The following HSP90AB1 variants were observed in gnomAD, a reference collection of about 807,000 sequenced individuals.
HSP90AB1 encodes heat shock protein HSP 90-beta.
In HSP90AB1, 17 loss-of-function variants were observed where a neutral mutation model predicts 67.8. That is an observed-to-expected ratio of 0.25 (90% confidence interval 0.17 to 0.38). The LOEUF is 0.38. Among genes scored for constraint, HSP90AB1 ranks in the 10% least tolerant of loss-of-function variants. The pLI is 1.00. For synonymous variants in HSP90AB1, 390 were observed against 312.9 expected, an observed-to-expected ratio of 1.25 and a Z score of -2.60; for missense variants, 690 against 899.9, an observed-to-expected ratio of 0.77 and a Z score of 2.98.
Position 44,253,545 on chromosome 6 carries a change from A to AT in HSP90AB1, c.2123dup (p.Leu711SerfsTer5). 2 of 1,614,124 alleles carry AT rather than the reference A, an allele frequency of 1.2e-6. No homozygotes were observed. The highest frequency in any genetic ancestry group is 1.7e-6 in the Non-Finnish European group (2 of 1,179,994). On this transcript the variant is annotated frameshift_variant, in exon 12 of 12. Coordinates refer to ENST00000371646, the MANE Select transcript of HSP90AB1 (RefSeq NM_007355.4). LOFTEE classifies it high-confidence loss of function. ...ACCCAATGCTGCAGTTCCTGATGAG[A>AT]TCCCCCCTCTCGAGGGCGATGAGGA...
chr6:44,248,381 TG>T (rs781306577), intron 1 of HSP90AB1, among the ~76,000 whole-genome samples: 46 of 152,344 alleles, frequency 3.0e-4, no homozygotes, highest in Non-Finnish European at 1.0e-4. Context: ...TTTAAGTAGG[TG>T]GGTTCTGTGA....
intron 7 of HSP90AB1, 62 bp downstream of exon 7, chr6:44,251,275 T>C: frequency 6.3e-7 from 1 of 1,581,618 alleles, no homozygotes; most frequent in South Asian, 1.1e-5. Flanking sequence ...GGCATTCTGC[T>C]AGGATATTCT....
At chr6:44,253,399 G>T in intron 11 of HSP90AB1, 21 bp downstream of exon 11, 2 of 1,604,384 alleles carry the variant, frequency 1.2e-6, no homozygotes, top group Non-Finnish European at 1.7e-6. Context: ...TTGGTACTTG[G>T]TGTGGCAAGG....
At chr6:44,246,746 C>G (rs1779945154), upstream of HSP90AB1, among the ~76,000 whole-genome samples, 2 of 152,198 alleles carry the variant, frequency 1.3e-5, no homozygotes, top group African/African-American at 4.8e-5. Context: ...GGTGTCCCCC[C>G]CAGTCCCGCC....
intron 6 of HSP90AB1, 144 bp downstream of exon 6, chr6:44,250,743 C>T (rs565165478): frequency 1.2e-4 from 75 of 640,704 alleles, no homozygotes; most frequent in African/African-American, 1.2e-3. Context: ...TTACTGATTA[C>T]CCTGTCATAG....
intron 1 of HSP90AB1, 88 bp downstream of exon 1, chr6:44,247,283 G>A (rs1780014969): frequency 6.6e-6 from 1 of 152,316 alleles, no homozygotes; most frequent in African/African-American, 2.4e-5. Context: ...GGGAGCCTTA[G>A]TCTAGATGTC....
At chr6:44,248,503 A>G (rs1780245117) in intron 1 of HSP90AB1, 127 bp from the exon 2 acceptor site, 1 of 719,060 alleles carries the variant, frequency 1.4e-6, no homozygotes, top group East Asian at 2.7e-5. Context: ...AGTCTTGGGA[A>G]GGGATAGTAC....
intron 2 of HSP90AB1, 147 bp downstream of exon 2, chr6:44,248,923 C>T (rs1274769404): frequency 6.6e-6 from 5 of 755,536 alleles, no homozygotes; most frequent in Admixed American, 4.7e-5. Context: ...TTACTCTGGC[C>T]ATCTTGAACT....
chr6:44,252,395 T>G lies in HSP90AB1; in HGVS notation c.1731+128T>G, dbSNP rs1378251661. ...TGTTTCATGCCTTCTTGCCTCTTGT[T>G]CTCTTCTCTAGTCAGGTTTAAGGCT... On this transcript the variant is annotated intron_variant, in intron 10 of 11. Coordinates refer to ENST00000371646, the MANE Select transcript of HSP90AB1 (RefSeq NM_007355.4). 1.2e-5 allele frequency: 10 copies of G among 820,816 alleles called. No individual in the cohort carries two copies. The East Asian group carries it at 2.6e-4, about 21-fold the overall frequency. 50.8% of individuals were successfully genotyped at this position (820,816 alleles called of 1,614,324 possible). A position where few individuals can be genotyped will look rare whatever the true frequency, so the allele number is the denominator to read the frequency against.
chr6:44,248,936 G>GA (rs1780309809), intron 2 of HSP90AB1, among the ~76,000 whole-genome samples, 160 bp downstream of exon 2: 1 of 152,158 alleles, frequency 6.6e-6, no homozygotes, highest in Non-Finnish European at 1.5e-5. Flanking sequence ...CTTGAACTTG[G>GA]AAGGGACTAT....
intron 7 of HSP90AB1, 62 bp from the exon 8 acceptor site, chr6:44,251,356 T>C: frequency 6.4e-7 from 1 of 1,552,080 alleles, no homozygotes; most frequent in Non-Finnish European, 8.8e-7. Flanking sequence ...TCTGTTTGAA[T>C]CTGGGGACCA....
intron 1 of HSP90AB1, among the ~76,000 whole-genome samples, chr6:44,247,414 C>T (rs1389520980): frequency 2.0e-5 from 3 of 152,046 alleles, no homozygotes; most frequent in Non-Finnish European, 4.4e-5. Flanking sequence ...CTCTCGGCGC[C>T]TGCTGGCCGT....
intron 9 of HSP90AB1, 25 bp from the exon 10 acceptor site, chr6:44,251,974 C>T: frequency 1.2e-6 from 2 of 1,613,908 alleles, no homozygotes; most frequent in African/African-American, 2.7e-5. Flanking sequence ...ATTTTAGTCA[C>T]TGAGTTCATT....
chr6:44,252,557 A>C (rs953216599), intron 10 of HSP90AB1, among the ~76,000 whole-genome samples: 4 of 151,770 alleles, frequency 2.6e-5, no homozygotes, highest in African/African-American at 9.7e-5. Flanking sequence ...GTGCAGTGGC[A>C]CGATCTCTGC....
At position 44,248,761 on chromosome 6, in the gene HSP90AB1, C is replaced by T; in HGVS notation, c.132C>T (p.Ile44=). 3.1e-6 allele frequency: 5 copies of T among 1,613,536 alleles called. No homozygotes were observed. The highest frequency in any genetic ancestry group is 4.2e-6 in the Non-Finnish European group (5 of 1,179,738). The stretch of plus-strand genomic sequence containing the variant: ...AGGAGATTTTCCTTCGGGAGTTGAT[C>T]TCTAATGCTTCTGATGTAGGTGCTC... ...SNKEIFLREL[I]SNASDALDKI... Residue 44 remains isoleucine, a synonymous_variant, in exon 2 of 12, where the codon ATC becomes ATT. Transcript: ENST00000371646.
Position 44,253,421 on chromosome 6 carries a change from C to T in HSP90AB1, c.2065+43C>T, listed in dbSNP as rs200620169. 41 of 1,601,470 alleles carry T rather than the reference C, an allele frequency of 2.6e-5. No homozygotes were observed. In the East Asian group the frequency reaches 7.2e-4, roughly 28 times the overall value. On this transcript the variant is annotated intron_variant, in intron 11 of 11. Transcript: ENST00000371646. The stretch of plus-strand genomic sequence containing the variant: ...TTGGTGTGGCAAGGAGTTTGTGCAA[C>T]TCGTCTCCTCTATGGATTTGACTTA...
At position 44,253,284 on chromosome 6, in the gene HSP90AB1, G is replaced by A. The variant is rs569826027; in HGVS notation, c.1971G>A (p.Leu657=). The A allele has an allele frequency of 1.9e-6, 3 of 1,614,214 alleles. No individual in the cohort carries two copies. In the South Asian group the frequency reaches 3.3e-5, roughly 18 times the overall value. ...AGGCAGTTAAGGACCTGGTGGTGCTGCTGTTTGAAACCGCCCTGCTATCTT... is the reference window on the plus strand; with the variant it reads ...AGGCAGTTAAGGACCTGGTGGTGCTACTGTTTGAAACCGCCCTGCTATCTT... ...NDKAVKDLVV[L]LFETALLSSG... is the part of the protein sequence containing the mutation. The change falls in exon 11 of 12, where the codon CTG becomes CTA. Residue 657 remains leucine, a synonymous_variant. Transcript: ENST00000371646.
intron 10 of HSP90AB1, 131 bp downstream of exon 10, chr6:44,252,398 C>T (rs920387023): frequency 1.1e-4 from 86 of 795,650 alleles, no homozygotes; most frequent in Non-Finnish European, 2.0e-5. Context: ...CTCTTGTTCT[C>T]TTCTCTAGTC....
In HSP90AB1 at chr6:44,252,201, G is replaced by A; in HGVS notation, c.1665G>A (p.Glu555=). The A allele has an allele frequency of 6.2e-7, 1 of 1,614,148 alleles. No homozygotes were observed. Among genetic ancestry groups the A allele is most frequent in the Non-Finnish European group, 8.5e-7 (1 of 1,180,020 alleles). ...EDEEEKKKME[E]SKAKFENLCK... Reference sequence around the variant, plus strand: ...AGGAGGAGAAGAAGAAGATGGAAGAGAGCAAGGCAAAGTTTGAGAACCTCT... The same window carrying A: ...AGGAGGAGAAGAAGAAGATGGAAGAAAGCAAGGCAAAGTTTGAGAACCTCT... The change falls in exon 10 of 12, where the codon GAG becomes GAA. Residue 555 remains glutamate (E), a synonymous_variant. Transcript: ENST00000371646.
Sources: allele counts gnomAD v4.1 joint callset (sites outside exome capture counted in the v4.1 genomes callset), GRCh38; gene constraint gnomAD v4.1.1; transcripts MANE v1.5; gene names NCBI Gene and HGNC (gene_info 2026-07-23, HGNC 2026-07-21).